CACNA1B: variants seen among roughly 807,000 people sequenced by gnomAD.
CACNA1B encodes voltage-dependent N-type calcium channel subunit alpha-1B.
Under a neutral mutation model 247.2 loss-of-function variants are expected in CACNA1B, and 70 were observed. The ratio of observed to expected loss-of-function variants is 0.28; its 90% CI spans 0.23 to 0.35. The LOEUF (loss-of-function observed/expected upper bound fraction) is 0.35. CACNA1B is among the 10% of genes least tolerant of loss of function. CACNA1B has a pLI of 1.00. For missense variants in CACNA1B, 2,367 were observed against 3,197.4 expected (o/e 0.74, Z 6.26); for synonymous variants, 1,231 against 1,294.4 (o/e 0.95, Z 1.05).
At chr9:138,088,199 T>C (rs1960763727) in intron 36 of CACNA1B, among the ~76,000 whole-genome samples, 1 of 151,940 alleles carries the variant, frequency 6.6e-6, no homozygotes. Flanking sequence ...TGAAACCCCA[T>C]CTCTACTAAA....
At position 138,058,948 on chromosome 9, in the gene CACNA1B, G is replaced by A. The variant is rs1416493454; in HGVS notation, c.4474-131G>A. 9.8e-6 allele frequency: 7 copies of A among 712,088 alleles called. No individual in the cohort carries two copies. The highest frequency in any genetic ancestry group is 7.0e-5 in the African/African-American group (4 of 56,862). 44.1% of individuals were successfully genotyped at this position (712,088 alleles called of 1,614,324 possible). A position where few individuals can be genotyped will look rare whatever the true frequency, so the allele number is the denominator to read the frequency against. ...GAGGTTCTGGGAGGACTCGGGGAGA[G>A]CAGGAAGGGGTGTCCCAGGCCTAGG... On this transcript the variant is annotated intron_variant, in intron 29 of 46. Transcript: ENST00000371372. This position sits in a 1 kb window ranked among gnomAD's most constrained non-coding sequence, Gnocchi z 4.7.
chr9:137,902,942 C>T (rs762932201), intron 3 of CACNA1B, among the ~76,000 whole-genome samples: 1 of 152,210 alleles, frequency 6.6e-6, no homozygotes, highest in Non-Finnish European at 1.5e-5. Flanking sequence ...AGAACTCTGT[C>T]AGATTCCTCT....
At chr9:137,983,481 T>G (rs1958317550) in intron 12 of CACNA1B, among the ~76,000 whole-genome samples, 1 of 152,146 alleles carries the variant, frequency 6.6e-6, no homozygotes, top group African/African-American at 2.4e-5. Flanking sequence ...ATCTGAGGAA[T>G]GGCTGGAAGG....
At position 138,096,620 on chromosome 9, in the gene CACNA1B, G is replaced by C; in HGVS notation, c.5222+9G>C. The stretch of plus-strand genomic sequence containing the variant: ...TACGACCCGGCTGCGTGGTAAGTGA[G>C]CCGTGGTGCTCTGTGGTCCTTGGGG... On this transcript the variant is annotated intron_variant, in intron 37 of 46. Transcript: ENST00000371372. The C allele has an allele frequency of 6.2e-7, 1 of 1,610,840 alleles. No individual in the cohort carries two copies. The highest frequency in any genetic ancestry group is 8.5e-7 in the Non-Finnish European group (1 of 1,178,212).
intron 41 of CACNA1B, 36 bp from the exon 42 acceptor site, chr9:138,115,515 AT>A (rs754591005): frequency 2.7e-5 from 44 of 1,602,186 alleles, no homozygotes; most frequent in Middle Eastern, 2.1e-4. Flanking sequence ...TTGCAGGCCC[AT>A]TGGAGCTCTT....
intron 20 of CACNA1B, among the ~76,000 whole-genome samples, chr9:138,039,223 G>A (rs1441323476): frequency 6.6e-6 from 1 of 151,544 alleles, no homozygotes; most frequent in African/African-American, 2.4e-5. Flanking sequence ...AAAAAAAAAA[G>A]AGAAAAATAT....
At chr9:138,064,923 C>G (rs916058398) in intron 31 of CACNA1B, among the ~76,000 whole-genome samples, 3 of 152,266 alleles carry the variant, frequency 2.0e-5, no homozygotes, top group African/African-American at 7.2e-5. Context: ...CTCTGAGAAG[C>G]TGGTTGGCTC....
chr9:138,048,251 C>T (rs1023901570), intron 23 of CACNA1B, among the ~76,000 whole-genome samples: 3 of 152,186 alleles, frequency 2.0e-5, no homozygotes, highest in Non-Finnish European at 2.9e-5. Context: ...ATCACAGCAG[C>T]AGGAGTGACA....
rs759388151 is a variant in CACNA1B, at chr9:138,100,999, C to T, written c.5223-1712C>T. 7.5e-4 allele frequency: 332 copies of T among 443,098 alleles called. No individual in the cohort carries two copies. Among genetic ancestry groups the T allele is most frequent in the Non-Finnish European group, 1.2e-3 (260 of 213,346 alleles). 27.4% of individuals were successfully genotyped at this position (443,098 alleles called of 1,614,324 possible). ...TGTCCAGTGCACCCCTCACCTCCGC[C>T]GCCACGCCTGCGCGAGGTCGGTCTT... On this transcript the variant is annotated intron_variant, in intron 37 of 46. Coordinates refer to ENST00000371372, the MANE Select transcript of CACNA1B (RefSeq NM_000718.4). This position sits in a 1 kb window ranked among gnomAD's most constrained non-coding sequence, Gnocchi z 4.6.
At chr9:138,040,513 G>T (rs890322634) in intron 20 of CACNA1B, 1 of 405,228 alleles carries the variant, frequency 2.5e-6, no homozygotes, top group Non-Finnish European at 4.9e-6. Context: ...ATATGTATGG[G>T]AGTTTATTAA....
intron 15 of CACNA1B, among the ~76,000 whole-genome samples, chr9:137,995,457 G>A (rs1444354971): frequency 6.6e-6 from 1 of 152,176 alleles, no homozygotes; most frequent in East Asian, 1.9e-4. Context: ...TCAACAAATG[G>A]TGCTGGGATA....
rs200437908 is a variant in CACNA1B, at chr9:138,058,266, G to A, written c.4308+16G>A. 2.6e-5 allele frequency: 41 copies of A among 1,601,224 alleles called. No homozygotes were observed. The East Asian group carries it at 7.6e-4, about 30-fold the overall frequency. On this transcript the variant is annotated intron_variant, in intron 28 of 46. Coordinates refer to ENST00000371372, the MANE Select transcript of CACNA1B (RefSeq NM_000718.4). This position sits in a 1 kb window ranked among gnomAD's most constrained non-coding sequence, Gnocchi z 4.7. The stretch of plus-strand genomic sequence containing the variant: ...GAAGAACGAGGTAGGTGGACGCTCT[G>A]TGGAGTCTTGCAGTGGACAGCGTGG...
chr9:138,109,802 G>GGCTC (rs1212240708), intron 39 of CACNA1B, among the ~76,000 whole-genome samples: 7 of 152,190 alleles, frequency 4.6e-5, no homozygotes, highest in African/African-American at 1.7e-4. Context: ...AGGCGTTGGT[G>GGCTC]GCTCACGCCT....
At chr9:138,045,515 G>A (rs542883362) in intron 21 of CACNA1B, among the ~76,000 whole-genome samples, 2 of 152,198 alleles carry the variant, frequency 1.3e-5, no homozygotes, top group African/African-American at 2.4e-5. Flanking sequence ...AGGAGACATC[G>A]AGGATGTCTG....
chr9:138,000,292 G>GT lies in CACNA1B; in HGVS notation c.1975-6472dup, dbSNP rs1324823577. Among the ~76,000 whole-genome samples the GT allele has an allele frequency of 1.2e-3, 175 of 152,020 alleles. 1 individual carries two copies. The highest frequency in any genetic ancestry group is 3.7e-3 in the Admixed American group (57 of 15,252). On this transcript the variant is annotated intron_variant, in intron 15 of 46. Transcript: ENST00000371372. Reference sequence around the variant, plus strand: ...TTTTTGTATTTTTAGTAGAGACAGGGTTTCACCGTGTTAGCCAGGATGGTC... The same window carrying GT: ...TTTTTGTATTTTTAGTAGAGACAGGGTTTTCACCGTGTTAGCCAGGATGGTC...
chr9:138,095,248 A>G (rs1209086022), intron 36 of CACNA1B, among the ~76,000 whole-genome samples: 2 of 152,242 alleles, frequency 1.3e-5, no homozygotes, highest in Admixed American at 6.5e-5. Flanking sequence ...AAGAACTCCT[A>G]CACCTCAACA....
intron 6 of CACNA1B, among the ~76,000 whole-genome samples, chr9:137,926,311 A>G (rs1398061111): frequency 6.6e-6 from 1 of 151,406 alleles, no homozygotes; most frequent in African/African-American, 2.4e-5. Flanking sequence ...CTCGTGATCC[A>G]CCTGCCTCAG....
rs547696006 is a variant in CACNA1B, at chr9:137,950,398, G to C, written c.967-1876G>C. Among the ~76,000 whole-genome samples the C allele has an allele frequency of 3.9e-5, 6 of 152,340 alleles. No individual in the cohort carries two copies. The highest frequency in any genetic ancestry group is 7.4e-5 in the Non-Finnish European group (5 of 68,022). The stretch of plus-strand genomic sequence containing the variant: ...GTGTAAATGGAAGTCAAGGTGTCCC[G>C]TGTGGTCTTCACTAGTACCGCGGAG... On this transcript the variant is annotated intron_variant, in intron 6 of 46. Coordinates refer to ENST00000371372, the MANE Select transcript of CACNA1B (RefSeq NM_000718.4). The surrounding 1 kb of genome is among the most constrained non-coding windows in gnomAD (Gnocchi z 4.8).
In CACNA1B at chr9:138,059,686, C is replaced by T. The variant is rs1331876798; in HGVS notation, c.4617C>T (p.Asp1539=). 2 of 1,608,890 alleles carry T rather than the reference C, an allele frequency of 1.2e-6. No individual in the cohort carries two copies. The highest frequency in any genetic ancestry group is 1.7e-6 in the Non-Finnish European group (2 of 1,175,324). Residue 1539 remains aspartate, a synonymous_variant, in exon 31 of 47, where the codon GAC becomes GAT. Transcript: ENST00000371372. The surrounding 1 kb of genome is among the most constrained non-coding windows in gnomAD (Gnocchi z 4.2). ...NYFRDAWNVF[D]FVTVLGSITD... ...TCAGAGATGCCTGGAATGTCTTTGA[C>T]TTTGTCACTGTGTTGGGAAGTATTA...
Sources: allele counts gnomAD v4.1 joint callset (sites outside exome capture counted in the v4.1 genomes callset), GRCh38; gene constraint gnomAD v4.1.1; non-coding constraint Gnocchi (gnomAD v3.1); transcripts MANE v1.5; gene names NCBI Gene and HGNC (gene_info 2026-07-23, HGNC 2026-07-21).